TACC2: variants seen among roughly 807,000 people sequenced by gnomAD.
TACC2 encodes transforming acidic coiled-coil containing protein 2, also known as transforming acidic coiled-coil-containing protein 2.
TACC2 carries 137 observed loss-of-function variants against 227.3 expected under a neutral mutation model. The observed-to-expected ratio is 0.60, with a 90% CI of 0.52 to 0.69. TACC2 has a LOEUF of 0.69. Ranked by LOEUF, TACC2 falls within the 30% of genes least tolerant of loss-of-function variation. The pLI, the probability that TACC2 is intolerant of heterozygous loss-of-function variation, is 0.00. For missense variants in TACC2, 3,470 were observed against 3,694.4 expected (o/e 0.94, Z 1.57); for synonymous variants, 1,523 against 1,487.5 (o/e 1.02, Z -0.55).
chr10:122,235,110 A>G (rs1179692478), intron 16 of TACC2, among the ~76,000 whole-genome samples: 1 of 152,170 alleles, frequency 6.6e-6, no homozygotes. Context: ...TTTTTAAGAC[A>G]GAGTCTCACT....
chr10:122,014,576 A>G (rs540663430), intron 1 of TACC2, among the ~76,000 whole-genome samples: 19 of 152,268 alleles, frequency 1.2e-4, no homozygotes, highest in Non-Finnish European at 2.2e-4. Flanking sequence ...TGCTCAGTGT[A>G]TAAAATGGGG....
At chr10:122,247,550 T>G (rs2096152863) in intron 19 of TACC2, 2 of 152,156 alleles carry the variant, frequency 1.3e-5, no homozygotes, top group South Asian at 4.1e-4. Flanking sequence ...AGTGTAGAAA[T>G]GATTTTCTAA....
chr10:122,146,284 CA>C (rs545873634), intron 7 of TACC2, among the ~76,000 whole-genome samples: 135 of 142,282 alleles, frequency 9.5e-4, no homozygotes, highest in African/African-American at 1.0e-3. Context: ...AGGTCCATCT[CA>C]AAAAAAAAAA....
intron 5 of TACC2, among the ~76,000 whole-genome samples, chr10:122,132,082 G>GAAAGAAAGAAAGAAATTA (rs138785067): frequency 7.4e-6 from 1 of 135,996 alleles, no homozygotes; most frequent in African/African-American, 3.0e-5. Context: ...AAGAAAGAAA[G>GAAAGAAAGAAAGAAATTA]AGAAAGATCT....
intron 7 of TACC2, among the ~76,000 whole-genome samples, chr10:122,161,488 A>G (rs1401842489): frequency 6.6e-6 from 1 of 152,256 alleles, no homozygotes; most frequent in African/African-American, 2.4e-5. Context: ...TGCAAAATAG[A>G]TGCTTTTCCT....
chr10:122,249,775 C>T (rs554892690), intron 22 of TACC2, 111 bp downstream of exon 22: 886 of 1,316,270 alleles, frequency 6.7e-4, no homozygotes, highest in Middle Eastern at 1.6e-3. Flanking sequence ...CTCCTGAAGA[C>T]GAATTCATGC....
In TACC2 at chr10:122,248,818, G is replaced by C; in HGVS notation, c.8553+15G>C. ...GCTTCCGCAAGGTAGGGCTGAGTTT[G>C]GGGGCCACGGAGGAGGAGGATCTGA... On this transcript the variant is annotated intron_variant, in intron 20 of 22. Transcript: ENST00000369005. 1 of 1,613,912 alleles carries C rather than the reference G, an allele frequency of 6.2e-7. No homozygotes were observed. The highest frequency in any genetic ancestry group is 2.2e-5 in the East Asian group (1 of 44,868).
chr10:122,247,160 G>C (rs1043929121), intron 19 of TACC2: 25 of 152,424 alleles, frequency 1.6e-4, no homozygotes, highest in African/African-American at 5.6e-4. Context: ...TTGCACATTA[G>C]GAAGCTCAGT....
At chr10:122,072,855 C>T (rs570433832) in intron 3 of TACC2, among the ~76,000 whole-genome samples, 7 of 151,960 alleles carry the variant, frequency 4.6e-5, no homozygotes, top group Non-Finnish European at 5.9e-5. Context: ...GCGGCTCACG[C>T]GTAATCCCAG....
intron 3 of TACC2, among the ~76,000 whole-genome samples, chr10:122,064,548 CCTA>C (rs1286488932): frequency 6.6e-6 from 1 of 152,212 alleles, no homozygotes; most frequent in African/African-American, 2.4e-5. Flanking sequence ...TATTGGAGAG[CCTA>C]CTCTATAACT....
intron 5 of TACC2, among the ~76,000 whole-genome samples, chr10:122,122,448 C>T (rs1367632162): frequency 6.6e-6 from 1 of 151,734 alleles, no homozygotes; most frequent in Non-Finnish European, 1.5e-5. Context: ...CTCTAAGATA[C>T]CATACACATA....
At chr10:122,079,190 T>G (rs550880067) in intron 3 of TACC2, 1 of 152,330 alleles carries the variant, frequency 6.6e-6, no homozygotes, top group African/African-American at 2.4e-5. Context: ...TAATGAAATG[T>G]AAAGTGCTTG....
intron 2 of TACC2, chr10:122,023,500 A>G (rs1957582597): frequency 6.6e-6 from 1 of 152,104 alleles, no homozygotes; most frequent in African/African-American, 2.4e-5. Context: ...TTGTAGGTAC[A>G]TGGATGAAGC....
intron 1 of TACC2, among the ~76,000 whole-genome samples, chr10:122,004,840 T>C (rs1954862949): frequency 6.6e-6 from 1 of 152,220 alleles, no homozygotes; most frequent in African/African-American, 2.4e-5. Flanking sequence ...AGGAAGAACA[T>C]GTTGGGCACT....
Position 122,211,694 on chromosome 10 carries a change from G to T in TACC2, c.7269G>T (p.Lys2423Asn), listed in dbSNP as rs571963100. The T allele has an allele frequency of 6.4e-7, 1 of 1,555,874 alleles. No homozygotes were observed. The highest frequency in any genetic ancestry group is 8.6e-7 in the Non-Finnish European group (1 of 1,158,076). ...TAAACAAGCCCGCCAAGAAGAAGAAGACGCCCCTAAAGACGTAAGTTCAGG... is the reference window on the plus strand; with the variant it reads ...TAAACAAGCCCGCCAAGAAGAAGAATACGCCCCTAAAGACGTAAGTTCAGG... ...DGLNKPAKKK[K>N]TPLKTDTFRV... is the part of the protein sequence containing the mutation. Residue 2423 changes from lysine (K) to asparagine (N), a missense_variant, in exon 9 of 23, where the codon AAG (lysine) becomes AAT (asparagine). Lys to Asn is a moderately conservative substitution (Grantham distance 94, BLOSUM62 0). Transcript: ENST00000369005.
At chr10:122,047,724 C>T (rs968686369) in intron 2 of TACC2, among the ~76,000 whole-genome samples, 1 of 152,224 alleles carries the variant, frequency 6.6e-6, no homozygotes, top group Non-Finnish European at 1.5e-5. Context: ...ATCCATCTTT[C>T]CCTTAAGACA....
intron 21 of TACC2, 74 bp from the exon 22 acceptor site, chr10:122,249,470 C>T: frequency 6.4e-7 from 1 of 1,571,554 alleles, no homozygotes; most frequent in Non-Finnish European, 8.7e-7. Flanking sequence ...CTCTCCCTGC[C>T]TGGACCTGGG....
chr10:121,996,631 A>G (rs112607440), intron 1 of TACC2, among the ~76,000 whole-genome samples: 28 of 152,316 alleles, frequency 1.8e-4, no homozygotes, highest in African/African-American at 6.3e-4. Flanking sequence ...AGTGATGCTA[A>G]GCAGGCAGTC....
chr10:122,025,069 T>C (rs1957814048), intron 2 of TACC2, among the ~76,000 whole-genome samples: 2 of 152,206 alleles, frequency 1.3e-5, no homozygotes, highest in African/African-American at 4.8e-5. Flanking sequence ...CTGGCTGTCA[T>C]TTGGTGGTGT....
Sources: gnomAD v4.1 joint callset for allele counts (sites outside exome capture counted in the v4.1 genomes callset) on GRCh38, gnomAD v4.1.1 for gene constraint, MANE v1.5 for transcripts, NCBI Gene and HGNC (gene_info 2026-07-23, HGNC 2026-07-21) for gene names.